PBRM1: variants seen among roughly 807,000 people sequenced by gnomAD.
PBRM1 encodes the protein polybromo 1.
In PBRM1, 27 loss-of-function variants were observed where a neutral mutation model predicts 194.5. The observed-to-expected ratio is 0.14, with a 90% CI of 0.10 to 0.19. The LOEUF (loss-of-function observed/expected upper bound fraction) is 0.19, where lower values mean the gene tolerates loss of function less well. PBRM1 is among the 10% of genes least tolerant of loss of function. PBRM1 has a pLI of 1.00. For synonymous variants in PBRM1, 655 were observed against 693.2 expected (o/e 0.94, Z 0.87); for missense variants, 1,466 against 2,077.2 (o/e 0.71, Z 5.72).
At chr3:52,589,002 C>T in intron 18 of PBRM1, 68 bp downstream of exon 20, 1 of 1,164,308 alleles carries the variant, frequency 8.6e-7, no homozygotes. Context: ...ATTTTCTTCC[C>T]TGAGGAGCAA....
intron 13 of PBRM1, among the ~76,000 whole-genome samples, chr3:52,626,303 T>G (rs1425304377): frequency 6.6e-6 from 1 of 152,236 alleles, no homozygotes; most frequent in East Asian, 1.9e-4. Context: ...TCAATTTAGT[T>G]ACCATGGTAA....
chr3:52,617,301 C>T, exon 14 of PBRM1: 1 of 1,614,034 alleles, frequency 6.2e-7, no homozygotes, highest in Non-Finnish European at 8.5e-7. Context: ...CATTCCGGAA[C>T]ATCAGCTTCA....
intron 20 of PBRM1, among the ~76,000 whole-genome samples, chr3:52,579,587 G>A (rs1425608789): frequency 6.6e-6 from 1 of 152,028 alleles, no homozygotes; most frequent in African/African-American, 2.4e-5. Flanking sequence ...GACAGAGCAA[G>A]ACCCTGTCTC....
intron 3 of PBRM1, among the ~76,000 whole-genome samples, chr3:52,663,474 T>C (rs1273634253): frequency 6.6e-6 from 1 of 152,168 alleles, no homozygotes; most frequent in Middle Eastern, 3.2e-3. Flanking sequence ...CTCTTCATCG[T>C]AAAGTTAGCC....
intron 17 of PBRM1, among the ~76,000 whole-genome samples, chr3:52,602,143 GCTCT>G (rs139104359): frequency 2.6e-5 from 4 of 152,268 alleles, no homozygotes; most frequent in South Asian, 2.1e-4. Context: ...TCTAAATGGG[GCTCT>G]CTTTGTGATT....
chr3:52,630,349 T>A (rs1008836117), intron 11 of PBRM1, among the ~76,000 whole-genome samples: 1 of 152,132 alleles, frequency 6.6e-6, no homozygotes, highest in Non-Finnish European at 1.5e-5. Flanking sequence ...TGCCAATAGA[T>A]CTTCCTAGGG....
intron 26 of PBRM1, 61 bp downstream of exon 28, chr3:52,558,188 G>GA (rs935223637): frequency 0.024 from 26,704 of 1,097,004 alleles, no homozygotes; most frequent in South Asian, 0.037. Context: ...CCTTATTGGA[G>GA]AAAAAAAAAA....
upstream of PBRM1, among the ~76,000 whole-genome samples, chr3:52,682,880 T>C (rs187524777): frequency 3.2e-4 from 49 of 152,184 alleles, no homozygotes; most frequent in Middle Eastern, 3.4e-3. Flanking sequence ...GCCAACGTGG[T>C]GAAACCCTGT....
At chr3:52,563,405 C>T (rs1559891938) in exon 24 of PBRM1, 1 of 1,613,956 alleles carries the variant, frequency 6.2e-7, no homozygotes. Flanking sequence ...TCATCATCTC[C>T]ACCTTCTAAC....
intron 13 of PBRM1, among the ~76,000 whole-genome samples, chr3:52,618,591 G>GTTT (rs67103558): frequency 4.0e-5 from 5 of 123,504 alleles, no homozygotes; most frequent in African/African-American, 8.7e-5. Context: ...TTATGACTTA[G>GTTT]TTTTTTTTTT....
At chr3:52,561,670 T>A in intron 25 of PBRM1, 97 bp downstream of exon 27, 1 of 1,043,696 alleles carries the variant, frequency 9.6e-7, no homozygotes. Context: ...AAAGTTCATG[T>A]GCAAGTGGTA....
intron 17 of PBRM1, among the ~76,000 whole-genome samples, chr3:52,601,606 GGGTGCCT>G (rs1006729150): frequency 2.1e-4 from 32 of 151,994 alleles, no homozygotes; most frequent in African/African-American, 7.7e-4. Flanking sequence ...GAGGAGGTGG[GGGTGCCT>G]GGCTTGAGGT....
rs1054499211 is a variant in PBRM1 at position 52,649,898 on chromosome 3, A to C, written c.715-1456T>G. Among the ~76,000 whole-genome samples the C allele has an allele frequency of 2.0e-5, 3 of 152,200 alleles. No homozygotes were observed. The East Asian group carries it at 5.8e-4, about 29-fold the overall frequency. On this transcript the variant is annotated intron_variant, in intron 6 of 29. Transcript: ENST00000296302. Reference sequence around the variant, plus strand: ...AGACTTTTGGAAAGAAGAAAGGACAAAATAAGGCGAGAAGTCAAAAAGAGA... The same window carrying C: ...AGACTTTTGGAAAGAAGAAAGGACACAATAAGGCGAGAAGTCAAAAAGAGA...
chr3:52,571,563 T>C (rs2087216558), intron 22 of PBRM1, among the ~76,000 whole-genome samples: 1 of 136,636 alleles, frequency 7.3e-6, no homozygotes, highest in African/African-American at 2.8e-5. Context: ...GAGGTGGAGG[T>C]TGCGGTGAAC....
chr3:52,670,936 A>G (rs913285131), intron 2 of PBRM1, among the ~76,000 whole-genome samples: 1 of 152,230 alleles, frequency 6.6e-6, no homozygotes, highest in South Asian at 2.1e-4. Flanking sequence ...GCTAGATTCT[A>G]GCCAATACGA....
chr3:52,574,801 G>A (rs920411611), intron 22 of PBRM1, among the ~76,000 whole-genome samples: 1 of 152,170 alleles, frequency 6.6e-6, no homozygotes, highest in Non-Finnish European at 1.5e-5. Flanking sequence ...GAGTTTTATG[G>A]TTTTATTGGC....
At chr3:52,652,600 G>A (rs1051418835) in intron 5 of PBRM1, among the ~76,000 whole-genome samples, 1 of 151,132 alleles carries the variant, frequency 6.6e-6, no homozygotes, top group African/African-American at 2.4e-5. Flanking sequence ...TGAGGGAGGA[G>A]AATCGCTTGA....
At chr3:52,640,594 TTTC>T (rs769724761) in intron 10 of PBRM1, among the ~76,000 whole-genome samples, 31 of 151,652 alleles carry the variant, frequency 2.0e-4, no homozygotes, top group East Asian at 7.9e-4. Flanking sequence ...TAGATTCAAC[TTTC>T]TTATGTTTTT....
chr3:52,664,711 G>A (rs994987407), intron 3 of PBRM1, among the ~76,000 whole-genome samples: 3 of 151,184 alleles, frequency 2.0e-5, no homozygotes, highest in Admixed American at 1.3e-4. Context: ...TCCAGCCTGG[G>A]CATCAGAGCC....
Sources: gnomAD v4.1 joint callset for allele counts (sites outside exome capture counted in the v4.1 genomes callset) on GRCh38, gnomAD v4.1.1 for gene constraint, MANE v1.5 for transcripts, NCBI Gene and HGNC (gene_info 2026-07-23, HGNC 2026-07-21) for gene names.